Variants in CNTNAP2 observed in about 807,000 individuals in gnomAD.
CNTNAP2 encodes the protein contactin-associated protein-like 2.
Under a neutral mutation model 155.2 loss-of-function variants are expected in CNTNAP2, and 98 were observed. The ratio of observed to expected loss-of-function variants is 0.63; its 90% CI spans 0.54 to 0.75. The LOEUF is 0.75. Ranked by LOEUF, CNTNAP2 falls within the 30% of genes least tolerant of loss-of-function variation. The pLI is 0.00. For synonymous variants in CNTNAP2, 651 were observed against 631.2 expected, an observed-to-expected ratio of 1.03 and a Z score of -0.47; for missense variants, 1,727 against 1,688.1, an observed-to-expected ratio of 1.02 and a Z score of -0.40.
intron 20 of CNTNAP2, 52 bp downstream of exon 20, chr7:148,229,831 G>T: frequency 6.2e-7 from 1 of 1,606,464 alleles, no homozygotes. Context: ...TATAGTCCCT[G>T]TCCCTATAAT....
intron 13 of CNTNAP2, among the ~76,000 whole-genome samples, chr7:147,825,713 A>AAGAGAAGAAATGAAAT (rs1462884049): frequency 6.6e-6 from 1 of 152,196 alleles, no homozygotes; most frequent in Non-Finnish European, 1.5e-5. Context: ...TGTGCAAATC[A>AAGAGAAGAAATGAAAT]AGAGAAGAAA....
At chr7:147,718,444 CTA>C (rs1563063975) in intron 13 of CNTNAP2, among the ~76,000 whole-genome samples, 2 of 152,008 alleles carry the variant, frequency 1.3e-5, no homozygotes, top group Admixed American at 6.6e-5. Context: ...TTAACTGACT[CTA>C]TAATATTATT....
intron 1 of CNTNAP2, among the ~76,000 whole-genome samples, chr7:146,374,601 T>C (rs1387530332): frequency 2.0e-5 from 3 of 152,172 alleles, no homozygotes; most frequent in East Asian, 1.9e-4. Flanking sequence ...ACCTTTTTAA[T>C]TGACACTGAC....
At chr7:147,701,897 T>A (rs950755930) in intron 13 of CNTNAP2, among the ~76,000 whole-genome samples, 6 of 152,132 alleles carry the variant, frequency 3.9e-5, no homozygotes, top group Non-Finnish European at 8.8e-5. Context: ...GAAGGAACCC[T>A]GTTAGAGACA....
chr7:148,182,264 A>T (rs1234738657), intron 18 of CNTNAP2, among the ~76,000 whole-genome samples: 1 of 152,084 alleles, frequency 6.6e-6, no homozygotes, highest in Non-Finnish European at 1.5e-5. Flanking sequence ...AACTCTATAC[A>T]TTTCTTTTCT....
chr7:148,101,483 T>C (rs1804099790), intron 15 of CNTNAP2, among the ~76,000 whole-genome samples: 1 of 151,916 alleles, frequency 6.6e-6, no homozygotes, highest in African/African-American at 2.4e-5. Flanking sequence ...CAGTACTAAA[T>C]GCACTTGAAA....
At chr7:146,827,825 C>T (rs1803436049) in intron 2 of CNTNAP2, among the ~76,000 whole-genome samples, 1 of 152,042 alleles carries the variant, frequency 6.6e-6, no homozygotes, top group African/African-American at 2.4e-5. Flanking sequence ...ATACATACAA[C>T]ATGAAGCTCC....
intron 8 of CNTNAP2, among the ~76,000 whole-genome samples, chr7:147,178,357 G>C (rs957173454): frequency 1.3e-5 from 2 of 152,120 alleles, no homozygotes; most frequent in Non-Finnish European, 2.9e-5. Context: ...AAGGAACGTG[G>C]ACCCCATTTA....
At chr7:147,543,809 T>G (rs1799681364) in intron 11 of CNTNAP2, among the ~76,000 whole-genome samples, 1 of 152,170 alleles carries the variant, frequency 6.6e-6, no homozygotes, top group Non-Finnish European at 1.5e-5. Context: ...ACGCTCCATT[T>G]GAAAACCCAT....
intron 3 of CNTNAP2, among the ~76,000 whole-genome samples, chr7:146,918,343 A>G (rs112745015): frequency 0.013 from 1,977 of 151,878 alleles, 43 homozygotes; most frequent in African/African-American, 0.045. Context: ...CAAGATTTAG[A>G]GCTCCTTTTA....
At chr7:147,653,608 G>A (rs901512323) in intron 13 of CNTNAP2, among the ~76,000 whole-genome samples, 1 of 152,074 alleles carries the variant, frequency 6.6e-6, no homozygotes, top group Non-Finnish European at 1.5e-5. Flanking sequence ...AGAGGCACTA[G>A]GGGAGGAACC....
At chr7:147,758,442 A>G (rs1319799618) in intron 13 of CNTNAP2, among the ~76,000 whole-genome samples, 1 of 152,200 alleles carries the variant, frequency 6.6e-6, no homozygotes, top group Non-Finnish European at 1.5e-5. Context: ...TGCCCTGAAC[A>G]TCAAGGAAGA....
chr7:147,285,867 C>T (rs574219372), intron 8 of CNTNAP2, among the ~76,000 whole-genome samples: 2 of 152,182 alleles, frequency 1.3e-5, no homozygotes, highest in South Asian at 4.1e-4. Context: ...TTTGGGATGA[C>T]TTCTTGTCAG....
intron 1 of CNTNAP2, among the ~76,000 whole-genome samples, chr7:146,551,712 T>A (rs1188785656): frequency 6.6e-6 from 1 of 152,150 alleles, no homozygotes; most frequent in Non-Finnish European, 1.5e-5. Flanking sequence ...GGTCTATGTA[T>A]GATTTATACC....
At chr7:148,250,386 G>C (rs919918933) in intron 20 of CNTNAP2, among the ~76,000 whole-genome samples, 19 of 152,160 alleles carry the variant, frequency 1.2e-4, no homozygotes, top group Non-Finnish European at 2.4e-4. Flanking sequence ...AGCGATATGA[G>C]GGTTAGGATT....
At chr7:146,373,117 GA>G (rs1158779637) in intron 1 of CNTNAP2, among the ~76,000 whole-genome samples, 1 of 152,136 alleles carries the variant, frequency 6.6e-6, no homozygotes, top group Admixed American at 6.5e-5. Flanking sequence ...GGCAGACATT[GA>G]AAAATCCTTC....
At chr7:146,834,996 A>G (rs1803588744) in intron 2 of CNTNAP2, among the ~76,000 whole-genome samples, 1 of 152,154 alleles carries the variant, frequency 6.6e-6, no homozygotes, top group Admixed American at 6.5e-5. Context: ...TTCCTCATGA[A>G]AGACTGACTT....
At chr7:147,380,117 C>T (rs1359041038) in intron 9 of CNTNAP2, among the ~76,000 whole-genome samples, 1 of 151,866 alleles carries the variant, frequency 6.6e-6, no homozygotes, top group Non-Finnish European at 1.5e-5. Flanking sequence ...TGTGACATTA[C>T]AGAATGTTAA....
intron 9 of CNTNAP2, among the ~76,000 whole-genome samples, chr7:147,330,003 C>T (rs949542733): frequency 5.9e-5 from 9 of 152,096 alleles, no homozygotes; most frequent in Non-Finnish European, 1.3e-4. Flanking sequence ...CTTGGAGCTT[C>T]CTGAGTGGCA....
Sources: allele counts gnomAD v4.1 joint callset (sites outside exome capture counted in the v4.1 genomes callset), GRCh38; gene constraint gnomAD v4.1.1; transcripts MANE v1.5; gene names NCBI Gene and HGNC (gene_info 2026-07-23, HGNC 2026-07-21).